Variants in PGC observed in about 807,000 individuals in gnomAD.
PGC encodes progastricsin, also known as gastricsin.
PGC carries 31 observed loss-of-function variants against 45.9 expected under a neutral mutation model. That is an observed-to-expected ratio of 0.67 (90% confidence interval 0.51 to 0.91). The LOEUF (loss-of-function observed/expected upper bound fraction) is 0.91, where lower values mean the gene tolerates loss of function less well. Among genes scored for constraint, PGC ranks in the 40% least tolerant of loss-of-function variants. The pLI is 0.00. For missense variants in PGC, 477 were observed against 493.2 expected (o/e 0.97, Z 0.31); for synonymous variants, 192 against 201.8 (o/e 0.95, Z 0.41).
chr6:41,742,331 C>A lies in PGC; in HGVS notation c.606G>T (p.Glu202Asp). 2.5e-6 allele frequency: 4 copies of A among 1,614,152 alleles called. No individual in the cohort carries two copies. The highest frequency in any genetic ancestry group is 3.4e-6 in the Non-Finnish European group (4 of 1,180,044). ...TGAAGACGGGGCTGGTGAGGGCGCC[C>A]TCCTGCACCATGCCCTGCATAGCTG... ...ATTAMQGMVQ[E>D]GALTSPVFSV... is the part of the protein sequence containing the mutation. Residue 202 changes from glutamate to aspartate, a missense_variant, in exon 5 of 9, where the codon GAG becomes GAT. By Grantham distance (45) the Glu-to-Asp change is conservative (BLOSUM62 2). Transcript: ENST00000373025.
intron 8 of PGC, 40 bp from the exon 9 acceptor site, chr6:41,737,044 C>A: frequency 6.3e-7 from 1 of 1,585,056 alleles, no homozygotes; most frequent in Non-Finnish European, 8.6e-7. Context: ...CATTTGTCCA[C>A]ACATGAGCTG....
rs1435830075 is a variant in PGC, at chr6:41,741,373, CA to C, written c.648-764del. 29 of 703,670 alleles carry C rather than the reference CA, an allele frequency of 4.1e-5. No individual in the cohort carries two copies. In the African/African-American group the frequency reaches 5.1e-4, roughly 12 times the overall value. The allele number at this position is 703,670 out of a possible 1,614,324, so 43.6% of individuals were successfully genotyped here. A position where few individuals can be genotyped will look rare whatever the true frequency, so the allele number is the denominator to read the frequency against. ...GAAAGTGGCTGCCTAAGGCCGGGCG[CA>C]GTGGCTCACACCTGTAATCCCAACA... is the stretch of plus-strand genomic sequence containing the variant. On this transcript the variant is annotated intron_variant, in intron 5 of 8. Transcript: ENST00000373025.
At chr6:41,747,161 C>G (rs1029354352) in intron 1 of PGC, 115 bp downstream of exon 1, 1 of 848,160 alleles carries the variant, frequency 1.2e-6, no homozygotes, top group African/African-American at 1.7e-5. Flanking sequence ...TTCCCTTCCC[C>G]TAGCAGAAGT....
chr6:41,744,364 C>T lies in PGC; in HGVS notation c.328+33G>A. ...AGAGGGTATCAGTGCCTTGCCCTGC[C>T]AACCACCCCTCTCTGCCCAGCCCAG... is the stretch of plus-strand genomic sequence containing the variant. On this transcript the variant is annotated intron_variant, in intron 3 of 8. Transcript: ENST00000373025. This position sits in a 1 kb window ranked among gnomAD's most constrained non-coding sequence, Gnocchi z 4.4. 6.7e-7 allele frequency: 1 copy of T among 1,501,688 alleles called. No homozygotes were observed. The highest frequency in any genetic ancestry group is 1.4e-5 in the African/African-American group (1 of 72,500). The allele number at this position is 1,501,688 out of a possible 1,614,324, so 93.0% of individuals were successfully genotyped here.
chr6:41,738,190 G>GCATATATATGCATATATATA (rs1771739200), intron 7 of PGC, among the ~76,000 whole-genome samples: 3 of 10,250 alleles, frequency 2.9e-4, no homozygotes, highest in Non-Finnish European at 9.7e-4. Flanking sequence ...ATATATATAT[G>GCATATATATGCATATATATA]CATATATATA....
rs200829480 is a variant in PGC, at chr6:41,740,590, C to G, written c.668G>C (p.Gly223Ala). 6 of 1,601,518 alleles carry G rather than the reference C, an allele frequency of 3.7e-6. No homozygotes were observed. The highest frequency in any genetic ancestry group is 1.7e-4 in the Middle Eastern group (1 of 5,998). Residue 223 changes from glycine (G) to alanine (A), a missense_variant, in exon 6 of 9, where the codon GGA (glycine) becomes GCA (alanine). Gly to Ala is a moderately conservative substitution (Grantham distance 60, BLOSUM62 0). Coordinates refer to ENST00000373025, the MANE Select transcript of PGC (RefSeq NM_002630.4). ...YLSNQQGSSGGAVVFGGVDSS... is the reference protein window; with the variant it reads ...YLSNQQGSSGAAVVFGGVDSS... The stretch of plus-strand genomic sequence containing the variant: ...ATCCACACCCCCAAAGACAACCGCT[C>G]CCCCGCTGGAGCCCTGCTGGCTGCA...
intron 7 of PGC, among the ~76,000 whole-genome samples, chr6:41,739,284 C>CT (rs1357374927): frequency 2.6e-5 from 4 of 152,212 alleles, no homozygotes; most frequent in Admixed American, 2.6e-4. Flanking sequence ...TAGTAACCTC[C>CT]TTCTCCCCTT....
In PGC at chr6:41,743,343, G is replaced by T. The variant is rs750426357; in HGVS notation, c.375C>A (p.Thr125=). The change falls in exon 4 of 9, where the codon ACC becomes ACA. Residue 125 remains threonine (T), a synonymous_variant. Transcript: ENST00000373025. ...FNPSESSTYS[T]NGQTFSLQYG... ...ACTGCAGGGAGAAGGTCTGCCCATTGGTGGAGTAGGTGGACGACTCGCTGG... is the reference window on the plus strand; with the variant it reads ...ACTGCAGGGAGAAGGTCTGCCCATTTGTGGAGTAGGTGGACGACTCGCTGG... The T allele has an allele frequency of 6.2e-7, 1 of 1,614,106 alleles. No homozygotes were observed. The highest frequency in any genetic ancestry group is 1.3e-5 in the African/African-American group (1 of 75,066).
At chr6:41,739,317 C>T (rs1211387284) in intron 7 of PGC, among the ~76,000 whole-genome samples, 1 of 152,240 alleles carries the variant, frequency 6.6e-6, no homozygotes, top group African/African-American at 2.4e-5. Context: ...CTGGCCCCGC[C>T]TGAACAAGCC....
At chr6:41,738,638 TAACAAC>T (rs1031780512) in intron 7 of PGC, among the ~76,000 whole-genome samples, 1 of 136,134 alleles carries the variant, frequency 7.3e-6, no homozygotes, top group African/African-American at 2.8e-5. Flanking sequence ...AAAACAACAA[TAACAAC>T]AACAACAACA....
Position 41,742,460 on chromosome 6 carries a change from C to A in PGC, c.477G>T (p.Glu159Asp), listed in dbSNP as rs761451538. Residue 159 changes from glutamate to aspartate, a missense_variant, in exon 5 of 9, where the codon GAG becomes GAT. Physicochemically the swap from Glu to Asp is conservative, Grantham distance 45. Coordinates refer to ENST00000373025, the MANE Select transcript of PGC (RefSeq NM_002630.4). ...CAGGCTCATTCTCACTCAAGCCGAA[C>A]TCCTGGTTGGGGACCTGGATGCTCT... ...TVQSIQVPNQEFGLSENEPGT... is the reference protein window; with the variant it reads ...TVQSIQVPNQDFGLSENEPGT... The A allele has an allele frequency of 6.2e-7, 1 of 1,614,186 alleles. No homozygotes were observed.
At position 41,744,312 on chromosome 6, in the gene PGC, G is replaced by T; in HGVS notation, c.328+85C>A. On this transcript the variant is annotated intron_variant, in intron 3 of 8. Transcript: ENST00000373025. The surrounding 1 kb of genome is among the most constrained non-coding windows in gnomAD (Gnocchi z 4.4). Reference sequence around the variant, plus strand: ...AGGACTGAGCTCCCCTCAGTCCTGAGCTCCCTCTGGAAGTTTGGCCCTCCC... The same window carrying T: ...AGGACTGAGCTCCCCTCAGTCCTGATCTCCCTCTGGAAGTTTGGCCCTCCC... 1.1e-6 allele frequency: 1 copy of T among 903,670 alleles called. No individual in the cohort carries two copies. Among genetic ancestry groups the T allele is most frequent in the Non-Finnish European group, 1.8e-6 (1 of 569,266 alleles). The allele number at this position is 903,670 out of a possible 1,614,324, so 56.0% of individuals were successfully genotyped here. A position where few individuals can be genotyped will look rare whatever the true frequency, so the allele number is the denominator to read the frequency against.
At chr6:41,745,779 C>T (rs1037471437) in intron 1 of PGC, among the ~76,000 whole-genome samples, 5 of 151,148 alleles carry the variant, frequency 3.3e-5, no homozygotes, top group African/African-American at 1.2e-4. Flanking sequence ...AAACTCCCGA[C>T]CTCAAATGAT....
At chr6:41,741,895 G>C in intron 5 of PGC, 1 of 1,363,930 alleles carries the variant, frequency 7.3e-7, no homozygotes, top group South Asian at 1.2e-5. Flanking sequence ...TGCAAAAGAG[G>C]GATACAGGTA....
intron 1 of PGC, among the ~76,000 whole-genome samples, chr6:41,745,596 C>T (rs1771917599): frequency 6.8e-6 from 1 of 147,646 alleles, no homozygotes; most frequent in African/African-American, 2.5e-5. Flanking sequence ...GTTGCCCAGG[C>T]TGGAGTGCAA....
intron 4 of PGC, 73 bp from the exon 5 acceptor site, chr6:41,742,562 C>T: frequency 1.8e-6 from 2 of 1,092,360 alleles, no homozygotes; most frequent in Non-Finnish European, 2.8e-6. Context: ...CCTAGAGACT[C>T]CTCAAGCCTC....
At chr6:41,739,242 GTGAC>G (rs1771777222) in intron 7 of PGC, among the ~76,000 whole-genome samples, 1 of 152,186 alleles carries the variant, frequency 6.6e-6, no homozygotes, top group Admixed American at 6.5e-5. Context: ...TTTCTGCTGA[GTGAC>G]TGCAGCTCAG....
chr6:41,741,047 C>T, intron 5 of PGC: 1 of 1,537,162 alleles, frequency 6.5e-7, no homozygotes, highest in Non-Finnish European at 8.7e-7. Flanking sequence ...ACTCTGCTCT[C>T]CTCTCCCCTC....
intron 5 of PGC, among the ~76,000 whole-genome samples, chr6:41,741,497 T>C (rs1316614179): frequency 6.6e-6 from 1 of 152,018 alleles, no homozygotes; most frequent in African/African-American, 2.4e-5. Flanking sequence ...AACACAAAAA[T>C]TAGCCGAACA....
Sources: gnomAD v4.1 joint callset for allele counts (sites outside exome capture counted in the v4.1 genomes callset) on GRCh38, gnomAD v4.1.1 for gene constraint, Gnocchi (gnomAD v3.1) non-coding constraint, MANE v1.5 for transcripts, NCBI Gene and HGNC (gene_info 2026-07-23, HGNC 2026-07-21) for gene names.